Variants in VPS13D observed in about 807,000 individuals in gnomAD.
The protein encoded by VPS13D is vacuolar protein sorting 13 homolog D.
Under a neutral mutation model 461.9 loss-of-function variants are expected in VPS13D, and 187 were observed. That is an observed-to-expected ratio of 0.40 (90% CI 0.36 to 0.46). The LOEUF is 0.46. Among genes scored for constraint, VPS13D ranks in the 20% least tolerant of loss-of-function variants. VPS13D has a pLI of 0.60. For synonymous variants in VPS13D, 1,951 were observed against 1,986.3 expected, an observed-to-expected ratio of 0.98 and a Z score of 0.47; for missense variants, 4,711 against 5,364.9, an observed-to-expected ratio of 0.88 and a Z score of 3.81.
intron 67 of VPS13D, among the ~76,000 whole-genome samples, chr1:12,467,638 G>T (rs928759345): frequency 3.9e-5 from 6 of 152,152 alleles, no homozygotes; most frequent in Admixed American, 2.6e-4. Flanking sequence ...CCCAGACGAT[G>T]CCATTCTCAT....
intron 65 of VPS13D, among the ~76,000 whole-genome samples, chr1:12,443,107 C>T (rs1008093936): frequency 6.6e-5 from 10 of 152,230 alleles, no homozygotes; most frequent in African/African-American, 2.4e-4. Context: ...CTTCTTCCTT[C>T]ACTTTATACC....
intron 36 of VPS13D, 86 bp from the exon 37 acceptor site, chr1:12,329,743 C>A: frequency 1.1e-6 from 1 of 923,880 alleles, no homozygotes; most frequent in Non-Finnish European, 1.7e-6. Context: ...CGAGTATTAG[C>A]TCTAATGTTT....
At chr1:12,407,315 G>A (rs538556608) in intron 63 of VPS13D, 1 of 152,324 alleles carries the variant, frequency 6.6e-6, no homozygotes, top group East Asian at 1.9e-4. Context: ...AATAGCTTGG[G>A]ATCTGAGACC....
intron 67 of VPS13D, among the ~76,000 whole-genome samples, chr1:12,481,656 AG>A (rs1441511172): frequency 6.6e-6 from 1 of 152,110 alleles, no homozygotes; most frequent in African/African-American, 2.4e-5. Flanking sequence ...TCTGCTTTCA[AG>A]GGGGATGGGG....
chr1:12,278,826 A>G (rs1054751525), intron 19 of VPS13D, among the ~76,000 whole-genome samples: 1 of 152,192 alleles, frequency 6.6e-6, no homozygotes, highest in African/African-American at 2.4e-5. Flanking sequence ...GGTTGGTCCA[A>G]GGTTCTAAGA....
intron 15 of VPS13D, 97 bp downstream of exon 15, chr1:12,268,017 A>T: frequency 2.9e-6 from 3 of 1,039,198 alleles, no homozygotes; most frequent in Non-Finnish European, 2.8e-6. Flanking sequence ...GCTGGAGTGC[A>T]GTGGTGTGAT....
chr1:12,240,517 C>T (rs1640311087), intron 2 of VPS13D, among the ~76,000 whole-genome samples: 1 of 150,450 alleles, frequency 6.6e-6, no homozygotes, highest in African/African-American at 2.5e-5. Context: ...ATCGCTTGAA[C>T]CCAGGAGGCG....
Position 12,277,215 on chromosome 1 carries a change from C to T in VPS13D, c.3627C>T (p.Ser1209=), listed in dbSNP as rs368685479. The T allele has an allele frequency of 1.2e-5, 20 of 1,614,072 alleles. No homozygotes were observed. The African/African-American group carries it at 2.4e-4, about 19-fold the overall frequency. ...CCAAAGTTAATGTCTCAATGGGTAG[C>T]ACGTTTGACATGAATGGTTCTCTTG... The part of the protein sequence containing the change: ...GGTKVNVSMG[S]TFDMNGSLGC... The change falls in exon 19 of 70, where the codon AGC becomes AGT. Residue 1209 remains serine (S), a synonymous_variant. Transcript: ENST00000620676.
chr1:12,403,861 C>T lies in VPS13D; in HGVS notation c.11918C>T (p.Thr3973Ile), dbSNP rs1644612776. Reference sequence around the variant, plus strand: ...TATGATGAAAACCTCCATGAAAAGACAGCTGAGCAAGGTGGAACACCAATT... The same window carrying T: ...TATGATGAAAACCTCCATGAAAAGATAGCTGAGCAAGGTGGAACACCAATT... Reference protein sequence around the residue: ...EKYDENLHEKTAEQGGTPIRY... With the variant: ...EKYDENLHEKIAEQGGTPIRY... The change falls in exon 63 of 70, where the codon ACA becomes ATA. Residue 3973 changes from threonine to isoleucine, a missense_variant. Physicochemically the swap from Thr to Ile is moderately conservative, Grantham distance 89. Around this residue, in one of 3 missense-constraint regions of VPS13D, gnomAD observed 4,411 missense variants for 4,937.8 expected, o/e 0.89. Transcript: ENST00000620676. 6.2e-7 allele frequency: 1 copy of T among 1,606,464 alleles called. No individual in the cohort carries two copies. Among genetic ancestry groups the T allele is most frequent in the African/African-American group, 1.3e-5 (1 of 74,500 alleles).
chr1:12,433,632 A>G (rs890132535), intron 65 of VPS13D, among the ~76,000 whole-genome samples: 1 of 152,224 alleles, frequency 6.6e-6, no homozygotes, highest in Non-Finnish European at 1.5e-5. Flanking sequence ...AACAGTCGGC[A>G]GCTCCTGCGG....
chr1:12,478,802 G>A (rs1293160211), intron 67 of VPS13D: 4 of 456,086 alleles, frequency 8.8e-6, no homozygotes, highest in Non-Finnish European at 1.8e-5. Context: ...GTGGTATAAT[G>A]TTGCTGGAGG....
chr1:12,401,260 C>T (rs1233581336), intron 61 of VPS13D, among the ~76,000 whole-genome samples: 3 of 152,096 alleles, frequency 2.0e-5, no homozygotes, highest in Admixed American at 6.5e-5. Context: ...CTGTAGCCCT[C>T]GGATCCACAA....
At chr1:12,419,527 A>G (rs1037558387) in intron 65 of VPS13D, among the ~76,000 whole-genome samples, 2 of 152,178 alleles carry the variant, frequency 1.3e-5, no homozygotes, top group African/African-American at 2.4e-5. Flanking sequence ...GAAGCTTCCA[A>G]TCATGGTGGA....
chr1:12,373,095 G>GTTTTTTTTTTTTTTTTTTTTTTTTTT (rs571503565), intron 54 of VPS13D, among the ~76,000 whole-genome samples: 2 of 37,236 alleles, frequency 5.4e-5, no homozygotes, highest in Non-Finnish European at 5.3e-5. Context: ...GTCTGGCTTG[G>GTTTTTTTTTTTTTTTTTTTTTTTTTT]TTTTTTTTTT....
In VPS13D at chr1:12,279,591, G is replaced by C. The variant is rs1235850498; in HGVS notation, c.4543G>C (p.Asp1515His). 2.5e-6 allele frequency: 4 copies of C among 1,613,364 alleles called. No homozygotes were observed. The highest frequency in any genetic ancestry group is 3.4e-6 in the Non-Finnish European group (4 of 1,179,598). Residue 1515 changes from aspartate to histidine, a missense_variant, in exon 20 of 70, where the codon GAT (aspartate) becomes CAT (histidine). Around this residue, in one of 3 missense-constraint regions of VPS13D, gnomAD observed 4,411 missense variants for 4,937.8 expected, o/e 0.89. Coordinates refer to ENST00000620676, the MANE Select transcript of VPS13D (RefSeq NM_015378.4). This position sits in a 1 kb window ranked among gnomAD's most constrained non-coding sequence, Gnocchi z 4.3. ...TGAATTGACTTTTTCTCTTAGCCCA[G>C]ATGACCTGGGAACTTCTAGCATCAT... is the stretch of plus-strand genomic sequence containing the variant. ...ESELTFSLSP[D>H]DLGTSSIMKI...
intron 50 of VPS13D, among the ~76,000 whole-genome samples, chr1:12,361,885 G>T (rs917092002): frequency 5.3e-5 from 8 of 152,136 alleles, no homozygotes; most frequent in Non-Finnish European, 1.0e-4. Context: ...TTGAGACGGA[G>T]TCTCACACTG....
In VPS13D at chr1:12,368,522, T is replaced by C. The variant is rs768503291; in HGVS notation, c.10503T>C (p.Ala3501=). ...GAGTGGAAATTACTCTCCGAGGAGCTACGTATAGGATCTCATTTAGTGACA... is the reference window on the plus strand; with the variant it reads ...GAGTGGAAATTACTCTCCGAGGAGCCACGTATAGGATCTCATTTAGTGACA... ...FLRVEITLRG[A]TYRISFSDTD... The change falls in exon 53 of 70, where the codon GCT becomes GCC. Residue 3501 remains alanine, a synonymous_variant. Transcript: ENST00000620676. The C allele has an allele frequency of 1.8e-5, 29 of 1,613,828 alleles. No individual in the cohort carries two copies. Among genetic ancestry groups the C allele is most frequent in the Middle Eastern group, 1.6e-4 (1 of 6,084 alleles).
chr1:12,492,915 A>C (rs1452738996), intron 67 of VPS13D, among the ~76,000 whole-genome samples: 1 of 152,232 alleles, frequency 6.6e-6, no homozygotes, highest in Non-Finnish European at 1.5e-5. Context: ...ACAAGAATGT[A>C]CTGGAGCATC....
rs368641578 is a variant in VPS13D, at chr1:12,325,516, C to G, written c.7990+1736C>G. Among the ~76,000 whole-genome samples the G allele has an allele frequency of 8.5e-5, 13 of 152,272 alleles. 1 individual carries two copies. In the East Asian group the frequency reaches 2.1e-3, roughly 25 times the overall value. On this transcript the variant is annotated intron_variant, in intron 35 of 69. Coordinates refer to ENST00000620676, the MANE Select transcript of VPS13D (RefSeq NM_015378.4). Reference sequence around the variant, plus strand: ...CTCGTGATCCACCTGCCTTGGCCTCCCAAAGTGCTGAGATTACAGGCGTGA... The same window carrying G: ...CTCGTGATCCACCTGCCTTGGCCTCGCAAAGTGCTGAGATTACAGGCGTGA...
Sources: gnomAD v4.1 joint callset for allele counts (sites outside exome capture counted in the v4.1 genomes callset) on GRCh38, gnomAD v4.1.1 for gene constraint, gnomAD v4.1.1 regional missense constraint, Gnocchi (gnomAD v3.1) non-coding constraint, MANE v1.5 for transcripts, NCBI Gene and HGNC (gene_info 2026-07-23, HGNC 2026-07-21) for gene names.